Variants in KIAA1549L observed in about 807,000 individuals in gnomAD.
KIAA1549L encodes the protein UPF0606 protein KIAA1549L.
Under a neutral mutation model 160.7 loss-of-function variants are expected in KIAA1549L, and 88 were observed. That is an observed-to-expected ratio of 0.55 (90% CI 0.46 to 0.65). The LOEUF is 0.65. Ranked by LOEUF, KIAA1549L falls within the 30% of genes least tolerant of loss-of-function variation. The pLI is 0.00. For synonymous variants in KIAA1549L, 950 were observed against 976.7 expected (o/e 0.97, Z 0.51); for missense variants, 2,258 against 2,437.5 (o/e 0.93, Z 1.55).
At chr11:33,622,888 C>T (rs1420032767) in intron 16 of KIAA1549L, among the ~76,000 whole-genome samples, 5 of 152,140 alleles carry the variant, frequency 3.3e-5, no homozygotes, top group Non-Finnish European at 5.9e-5. Context: ...GGCCTGGGCG[C>T]GTTGTCTGAT....
chr11:33,411,565 A>G (rs946193813), intron 1 of KIAA1549L, among the ~76,000 whole-genome samples: 5 of 152,040 alleles, frequency 3.3e-5, no homozygotes, highest in African/African-American at 1.2e-4. Context: ...TCATTGCCCA[A>G]CCTTATTTGT....
chr11:33,571,112 G>A (rs1416325623), intron 9 of KIAA1549L, among the ~76,000 whole-genome samples: 11 of 152,290 alleles, frequency 7.2e-5, no homozygotes, highest in Admixed American at 5.9e-4. Context: ...GTGAAACTCC[G>A]TCTCTACTAA....
chr11:33,499,907 G>C (rs928476107), intron 1 of KIAA1549L, among the ~76,000 whole-genome samples: 1 of 152,186 alleles, frequency 6.6e-6, no homozygotes, highest in African/African-American at 2.4e-5. Flanking sequence ...TGATGTATCT[G>C]ATTTTTTTGG....
chr11:33,487,414 T>A (rs1852554382), intron 1 of KIAA1549L, among the ~76,000 whole-genome samples: 1 of 150,338 alleles, frequency 6.7e-6, no homozygotes, highest in African/African-American at 2.4e-5. Flanking sequence ...TTTTTTTTTT[T>A]TTTTTTTTTT....
intron 1 of KIAA1549L, among the ~76,000 whole-genome samples, chr11:33,471,976 C>T (rs985878755): frequency 6.6e-6 from 1 of 152,182 alleles, no homozygotes; most frequent in Non-Finnish European, 1.5e-5. Flanking sequence ...TTGGGCTTAC[C>T]GGAGATGCAG....
chr11:33,642,689 G>A (rs148900164), intron 16 of KIAA1549L, among the ~76,000 whole-genome samples: 2 of 142,526 alleles, frequency 1.4e-5, no homozygotes, highest in African/African-American at 5.6e-5. Flanking sequence ...GCAGGTAATC[G>A]GAATGAGTCA....
At chr11:33,553,550 C>G (rs776326421) in intron 6 of KIAA1549L, among the ~76,000 whole-genome samples, 1 of 152,190 alleles carries the variant, frequency 6.6e-6, no homozygotes, top group Non-Finnish European at 1.5e-5. Context: ...CTTTCCTGTT[C>G]TAGATTCATC....
At chr11:33,497,645 A>T (rs1470291734) in intron 1 of KIAA1549L, among the ~76,000 whole-genome samples, 1 of 152,158 alleles carries the variant, frequency 6.6e-6, no homozygotes, top group Non-Finnish European at 1.5e-5. Context: ...CAGTGCTTTC[A>T]TTTGTTCCTA....
intron 1 of KIAA1549L, chr11:33,450,596 A>AAAG (rs1334317059): frequency 6.6e-6 from 1 of 151,114 alleles, no homozygotes; most frequent in Non-Finnish European, 1.5e-5. Context: ...AACAAAAAAG[A>AAAG]AAACTGCTCT....
At chr11:33,584,039 C>T (rs555294129) in intron 11 of KIAA1549L, among the ~76,000 whole-genome samples, 3 of 152,216 alleles carry the variant, frequency 2.0e-5, no homozygotes, top group South Asian at 4.1e-4. Flanking sequence ...GAGGGTGAAA[C>T]CTCCAGGAAT....
intron 20 of KIAA1549L, among the ~76,000 whole-genome samples, chr11:33,666,624 C>T (rs144048405): frequency 3.9e-4 from 60 of 152,258 alleles, no homozygotes; most frequent in African/African-American, 1.3e-3. Flanking sequence ...GTGGGAGAAT[C>T]GACTCTAAAT....
chr11:33,614,600 T>A lies in KIAA1549L; in HGVS notation c.5280-3933T>A, dbSNP rs1410752321. Reference sequence around the variant, plus strand: ...TATATATATATTTTTTTTTTTTTTTTTTTTTTTTTTTTTTTGGTGTAGGGG... The same window carrying A: ...TATATATATATTTTTTTTTTTTTTTATTTTTTTTTTTTTTTGGTGTAGGGG... On this transcript the variant is annotated intron_variant, in intron 15 of 20. Transcript: ENST00000658780. Among the ~76,000 whole-genome samples the A allele has an allele frequency of 2.3e-4, 14 of 61,548 alleles. 1 individual carries two copies. The South Asian group carries it at 3.0e-3, about 13-fold the overall frequency. The allele number at this position is 61,548 out of a possible 152,430, so 40.4% of individuals were successfully genotyped here.
intron 1 of KIAA1549L, among the ~76,000 whole-genome samples, chr11:33,440,841 A>T (rs1041162435): frequency 6.6e-6 from 1 of 152,196 alleles, no homozygotes; most frequent in Non-Finnish European, 1.5e-5. Context: ...TCCATTTTGC[A>T]TAAATGTTTT....
intron 1 of KIAA1549L, among the ~76,000 whole-genome samples, chr11:33,403,009 C>T (rs979757713): frequency 2.6e-5 from 4 of 152,074 alleles, no homozygotes; most frequent in African/African-American, 4.8e-5. Flanking sequence ...AAAGCTCACA[C>T]GAGAGGCAAT....
intron 1 of KIAA1549L, among the ~76,000 whole-genome samples, chr11:33,516,625 T>G (rs528729702): frequency 2.7e-4 from 41 of 152,332 alleles, no homozygotes; most frequent in South Asian, 1.0e-3. Flanking sequence ...TTCTCTGAAG[T>G]TATGAGGGAA....
rs190697498 is a variant in KIAA1549L at position 33,557,231 on chromosome 11, C to G, written c.3856-2518C>G. Among the ~76,000 whole-genome samples, 69 of 152,334 alleles carry G rather than the reference C, an allele frequency of 4.5e-4. No individual in the cohort carries two copies. The East Asian group carries it at 0.012, about 26-fold the overall frequency. ...CTTGAACTCCTGGGCTCAAGTGATC[C>G]ATCTGCCTTGGCTTCCCAAAGTGCT... On this transcript the variant is annotated intron_variant, in intron 6 of 20. Transcript: ENST00000658780.
chr11:33,630,949 A>C (rs946754409), intron 16 of KIAA1549L, among the ~76,000 whole-genome samples: 1 of 152,180 alleles, frequency 6.6e-6, no homozygotes, highest in African/African-American at 2.4e-5. Flanking sequence ...AGATGTATTA[A>C]TTTTCGTGCA....
intron 1 of KIAA1549L, among the ~76,000 whole-genome samples, chr11:33,435,791 T>A (rs1298057146): frequency 4.6e-4 from 5 of 10,832 alleles, no homozygotes; most frequent in African/African-American, 3.6e-3. Flanking sequence ...TATATATATA[T>A]ATATATATAT....
intron 3 of KIAA1549L, among the ~76,000 whole-genome samples, chr11:33,546,736 G>C (rs1399449836): frequency 6.6e-6 from 1 of 152,180 alleles, no homozygotes; most frequent in Admixed American, 6.5e-5. Context: ...CTTATCTGCA[G>C]GGGATCTATT....
Sources: allele counts gnomAD v4.1 joint callset (sites outside exome capture counted in the v4.1 genomes callset), GRCh38; gene constraint gnomAD v4.1.1; transcripts MANE v1.5; gene names NCBI Gene and HGNC (gene_info 2026-07-23, HGNC 2026-07-21).